GSG1L: variants seen among roughly 807,000 people sequenced by gnomAD.
GSG1L encodes the protein GSG1 like, also known as germ cell-specific gene 1-like protein.
Under a neutral mutation model 42.1 loss-of-function variants are expected in GSG1L, and 24 were observed. The observed-to-expected ratio is 0.57, with a 90% CI of 0.41 to 0.80. The LOEUF is 0.80. GSG1L is among the 30% of genes least tolerant of loss of function. The pLI, the probability that GSG1L is intolerant of heterozygous loss-of-function variation, is 0.00. For synonymous variants in GSG1L, 215 were observed against 203.5 expected, an observed-to-expected ratio of 1.06 and a Z score of -0.48; for missense variants, 445 against 472.2, an observed-to-expected ratio of 0.94 and a Z score of 0.53.
chr16:27,864,388 C>T (rs1265674320), intron 3 of GSG1L, among the ~76,000 whole-genome samples: 1 of 152,152 alleles, frequency 6.6e-6, no homozygotes. Flanking sequence ...CACAGAAATC[C>T]ACTATGAACA....
At chr16:27,839,880 C>G (rs1052006464) in intron 4 of GSG1L, among the ~76,000 whole-genome samples, 1 of 152,214 alleles carries the variant, frequency 6.6e-6, no homozygotes, top group Non-Finnish European at 1.5e-5. Flanking sequence ...TCACAGTATC[C>G]AAGGCTAATT....
chr16:27,936,552 G>C (rs948481856), intron 2 of GSG1L, among the ~76,000 whole-genome samples: 2 of 152,142 alleles, frequency 1.3e-5, no homozygotes, highest in Admixed American at 6.6e-5. Flanking sequence ...GCCCTCACCA[G>C]AAGCAGATGC....
intron 1 of GSG1L, among the ~76,000 whole-genome samples, chr16:28,057,617 T>C (rs2086293546): frequency 6.6e-6 from 1 of 152,210 alleles, no homozygotes; most frequent in Non-Finnish European, 1.5e-5. Context: ...ACAAAACAGA[T>C]ACACGGTTCA....
Position 28,046,276 on chromosome 16 carries a change from G to A in GSG1L, c.349+16800C>T, listed in dbSNP as rs142789582. On this transcript the variant is annotated intron_variant, in intron 1 of 6. Coordinates refer to ENST00000447459, the MANE Select transcript of GSG1L (RefSeq NM_001109763.2). ...ACGAGGCCATACACATCCGCAGGCC[G>A]TTAGCTATTGCTAGGAAAACAAGCA... 4.2e-3 allele frequency among the ~76,000 whole-genome samples: 634 copies of A among 150,300 alleles called. 2 individuals are homozygous for A. Among genetic ancestry groups the A allele is most frequent in the South Asian group, 5.3e-3 (25 of 4,738 alleles).
chr16:27,841,230 G>A (rs1382357808), intron 4 of GSG1L, among the ~76,000 whole-genome samples: 1 of 152,074 alleles, frequency 6.6e-6, no homozygotes, highest in African/African-American at 2.4e-5. Flanking sequence ...TGAGGGGCAG[G>A]GGCAGGATCT....
intron 5 of GSG1L, among the ~76,000 whole-genome samples, chr16:27,810,177 A>G (rs550349358): frequency 2.6e-5 from 4 of 152,270 alleles, no homozygotes; most frequent in African/African-American, 9.6e-5. Context: ...CTTGCACCCT[A>G]GTTAGAAAAT....
chr16:28,030,383 T>C (rs2085944062), intron 1 of GSG1L, among the ~76,000 whole-genome samples: 1 of 151,878 alleles, frequency 6.6e-6, no homozygotes, highest in African/African-American at 2.4e-5. Flanking sequence ...ACTGGGTGGA[T>C]ATAAACCTGG....
At chr16:27,971,785 T>A (rs2085196007) in intron 1 of GSG1L, among the ~76,000 whole-genome samples, 2 of 152,182 alleles carry the variant, frequency 1.3e-5, no homozygotes, top group East Asian at 1.9e-4. Context: ...GGGGTTTTTT[T>A]AATATATGCC....
chr16:27,854,083 A>C (rs1435129253), intron 3 of GSG1L, among the ~76,000 whole-genome samples: 1 of 151,864 alleles, frequency 6.6e-6, no homozygotes, highest in African/African-American at 2.4e-5. Flanking sequence ...AAAAAGGTTG[A>C]GAAGAATACG....
At chr16:27,803,320 C>A (rs956851296) in intron 6 of GSG1L, among the ~76,000 whole-genome samples, 1 of 152,076 alleles carries the variant, frequency 6.6e-6, no homozygotes, top group African/African-American at 2.4e-5. Flanking sequence ...ATGCACCCGA[C>A]CCTCTCTGCG....
chr16:28,018,505 G>T (rs1466690373), intron 1 of GSG1L, among the ~76,000 whole-genome samples: 2 of 152,102 alleles, frequency 1.3e-5, no homozygotes, highest in African/African-American at 4.8e-5. Context: ...ATCCCCAAAA[G>T]CCCCCAGCAG....
At chr16:27,932,368 T>C (rs552259692) in intron 2 of GSG1L, among the ~76,000 whole-genome samples, 10 of 152,300 alleles carry the variant, frequency 6.6e-5, no homozygotes, top group Non-Finnish European at 1.5e-4. Context: ...AGAGGTTTCA[T>C]TGGCTCACTG....
intron 3 of GSG1L, among the ~76,000 whole-genome samples, chr16:27,881,545 T>A (rs1201860286): frequency 1.3e-5 from 2 of 152,118 alleles, no homozygotes; most frequent in Non-Finnish European, 2.9e-5. Flanking sequence ...CGGCCAAGTA[T>A]CATACTTTTG....
At chr16:27,964,243 T>C (rs1218098722) in intron 1 of GSG1L, among the ~76,000 whole-genome samples, 2 of 151,380 alleles carry the variant, frequency 1.3e-5, no homozygotes, top group Non-Finnish European at 2.9e-5. Context: ...GGCAGGAGAA[T>C]TGCTTGAACC....
chr16:27,829,036 T>C, intron 4 of GSG1L, 80 bp from the exon 5 acceptor site: 1 of 1,371,976 alleles, frequency 7.3e-7, no homozygotes, highest in Non-Finnish European at 1.0e-6. Flanking sequence ...CAAACATTCA[T>C]TCATCCCTGC....
At chr16:27,934,449 C>CTCA (rs1176567763) in intron 2 of GSG1L, among the ~76,000 whole-genome samples, 1 of 152,066 alleles carries the variant, frequency 6.6e-6, no homozygotes, top group Non-Finnish European at 1.5e-5. Context: ...GTAGGAGAAT[C>CTCA]GCTTGAACCT....
At chr16:27,907,660 T>C (rs949520838) in intron 2 of GSG1L, among the ~76,000 whole-genome samples, 3 of 152,240 alleles carry the variant, frequency 2.0e-5, no homozygotes, top group African/African-American at 7.2e-5. Context: ...GACTGTGTGA[T>C]CTGAGCAATT....
intron 2 of GSG1L, among the ~76,000 whole-genome samples, chr16:27,962,053 T>C (rs954628029): frequency 6.6e-6 from 1 of 152,214 alleles, no homozygotes; most frequent in Non-Finnish European, 1.5e-5. Context: ...CCAGGCTATC[T>C]GAAGAGACAT....
In GSG1L at chr16:27,934,351, C is replaced by T. The variant is rs548672831; in HGVS notation, c.397+28805G>A. 5.3e-5 allele frequency among the ~76,000 whole-genome samples: 8 copies of T among 152,236 alleles called. No individual in the cohort carries two copies. In the East Asian group the frequency reaches 1.5e-3, roughly 29 times the overall value. Reference sequence around the variant, plus strand: ...CTGAGGTCAGGAGTTCGAGACCAGCCTGGCCAACATGGCAAAACCCCATCT... The same window carrying T: ...CTGAGGTCAGGAGTTCGAGACCAGCTTGGCCAACATGGCAAAACCCCATCT... On this transcript the variant is annotated intron_variant, in intron 2 of 6. Coordinates refer to ENST00000447459, the MANE Select transcript of GSG1L (RefSeq NM_001109763.2).
Sources: allele counts gnomAD v4.1 joint callset (sites outside exome capture counted in the v4.1 genomes callset), GRCh38; gene constraint gnomAD v4.1.1; transcripts MANE v1.5; gene names NCBI Gene and HGNC (gene_info 2026-07-23, HGNC 2026-07-21).